DHX15: variants seen among roughly 807,000 people sequenced by gnomAD.
The protein encoded by DHX15 is ATP-dependent RNA helicase DHX15.
DHX15 carries 11 observed loss-of-function variants against 94.4 expected under a neutral mutation model. The ratio of observed to expected loss-of-function variants is 0.12; its 90% CI spans 0.07 to 0.19. DHX15 has a LOEUF of 0.19. Ranked by LOEUF, DHX15 falls within the 10% of genes least tolerant of loss-of-function variation. The pLI is 1.00. For missense variants in DHX15, 304 were observed against 988.5 expected (o/e 0.31, Z 9.29); for synonymous variants, 338 against 329.9 (o/e 1.02, Z -0.27).
intron 2 of DHX15, among the ~76,000 whole-genome samples, chr4:24,575,124 G>A (rs983827851): frequency 6.6e-6 from 1 of 151,162 alleles, no homozygotes; most frequent in African/African-American, 2.4e-5. Flanking sequence ...TCCAGCATGG[G>A]TGAAAGACTG....
chr4:24,559,665 C>T (rs1184555815), intron 3 of DHX15, among the ~76,000 whole-genome samples: 1 of 152,122 alleles, frequency 6.6e-6, no homozygotes, highest in African/African-American at 2.4e-5. Flanking sequence ...ACAGGATAGC[C>T]AAACTCCACA....
At position 24,541,853 on chromosome 4, in the gene DHX15, G is replaced by C. The variant is rs1721320345; in HGVS notation, c.1485+20C>G. ...CCTAACATTTTAAACATATCGGCAG[G>C]AAACGACAATACCCCATACCTGCAT... On this transcript the variant is annotated intron_variant, in intron 8 of 13. Transcript: ENST00000336812. The C allele has an allele frequency of 6.5e-7, 1 of 1,534,638 alleles. No homozygotes were observed. The highest frequency in any genetic ancestry group is 1.2e-5 in the South Asian group (1 of 81,976).
intron 3 of DHX15, among the ~76,000 whole-genome samples, chr4:24,558,937 A>C (rs760216123): frequency 5.3e-5 from 8 of 152,138 alleles, no homozygotes; most frequent in Non-Finnish European, 1.2e-4. Flanking sequence ...CAGATAAAGG[A>C]ACCCATTGTA....
intron 3 of DHX15, among the ~76,000 whole-genome samples, chr4:24,559,800 CTACT>C (rs1721823349): frequency 6.6e-6 from 1 of 152,166 alleles, no homozygotes; most frequent in Admixed American, 6.5e-5. Context: ...CATCTCAGAT[CTACT>C]TAATCAGAAA....
At chr4:24,552,337 T>C (rs1577340610) in intron 5 of DHX15, among the ~76,000 whole-genome samples, 1 of 152,136 alleles carries the variant, frequency 6.6e-6, no homozygotes, top group East Asian at 1.9e-4. Context: ...ACTCACTGCA[T>C]GTTGAAAAAA....
chr4:24,582,920 A>T (rs1407309097), intron 1 of DHX15, among the ~76,000 whole-genome samples: 2 of 152,230 alleles, frequency 1.3e-5, no homozygotes, highest in Non-Finnish European at 2.9e-5. Context: ...CTAATATCGT[A>T]AACTAAATAA....
intron 1 of DHX15, among the ~76,000 whole-genome samples, chr4:24,582,148 G>A (rs1722430323): frequency 6.6e-6 from 1 of 152,088 alleles, no homozygotes. Flanking sequence ...TTCTGAGGCC[G>A]ATAAACACCT....
intron 6 of DHX15, among the ~76,000 whole-genome samples, chr4:24,548,140 CTTT>C (rs71196189): frequency 9.2e-6 from 1 of 108,172 alleles, no homozygotes. Context: ...ATCAGTGCTA[CTTT>C]TTTTTTTTTT....
intron 11 of DHX15, chr4:24,533,804 T>C (rs1441053189): frequency 2.0e-5 from 3 of 152,180 alleles, no homozygotes; most frequent in Admixed American, 6.5e-5. Context: ...TGGCAAAGAA[T>C]TGCATTATTT....
intron 10 of DHX15, 85 bp downstream of exon 10, chr4:24,540,022 AC>A: frequency 1.0e-6 from 1 of 978,288 alleles, no homozygotes; most frequent in Non-Finnish European, 1.5e-6. Flanking sequence ...CCACTATCAT[AC>A]TAAAAATTAA....
intron 4 of DHX15, among the ~76,000 whole-genome samples, 163 bp from the exon 5 acceptor site, chr4:24,555,106 T>C (rs929444827): frequency 2.6e-5 from 4 of 152,106 alleles, no homozygotes; most frequent in South Asian, 2.1e-4. Context: ...GGCTGAACTA[T>C]AGTAAAAGTT....
In DHX15 at chr4:24,539,892, T is replaced by C. The variant is rs1274994425; in HGVS notation, c.1786+216A>G. 3 of 359,252 alleles carry C rather than the reference T, an allele frequency of 8.4e-6. No individual in the cohort carries two copies. The East Asian group carries it at 1.3e-4, about 15-fold the overall frequency. 22.3% of individuals were successfully genotyped at this position (359,252 alleles called of 1,614,324 possible). Reference sequence around the variant, plus strand: ...TTTTATTAGCACTCAAGAGAGCCAATGCTTTACTTATCTTTTGTGCACAAT... The same window carrying C: ...TTTTATTAGCACTCAAGAGAGCCAACGCTTTACTTATCTTTTGTGCACAAT... On this transcript the variant is annotated intron_variant, in intron 10 of 13. Coordinates refer to ENST00000336812, the MANE Select transcript of DHX15 (RefSeq NM_001358.3).
intron 6 of DHX15, among the ~76,000 whole-genome samples, chr4:24,548,236 G>C (rs1259931169): frequency 6.7e-6 from 1 of 149,390 alleles, no homozygotes; most frequent in Non-Finnish European, 1.5e-5. Flanking sequence ...TCCGCCTCTA[G>C]GGTTCAAGCG....
intron 3 of DHX15, among the ~76,000 whole-genome samples, chr4:24,558,735 A>G (rs1283119974): frequency 6.6e-6 from 1 of 152,168 alleles, no homozygotes; most frequent in Non-Finnish European, 1.5e-5. Context: ...GAATAATTTC[A>G]AGAAAAATGA....
rs191186126 is a variant in DHX15 at position 24,532,793 on chromosome 4, T to A, written c.2100+71A>T. The A allele has an allele frequency of 1.1e-3, 1,401 of 1,219,468 alleles. 39 individuals are homozygous for A. In the East Asian group the frequency reaches 0.023, roughly 20 times the overall value. 75.5% of individuals were successfully genotyped at this position (1,219,468 alleles called of 1,614,324 possible). A position where few individuals can be genotyped will look rare whatever the true frequency, so the allele number is the denominator to read the frequency against. The stretch of plus-strand genomic sequence containing the variant: ...AAACTCACTTTTGCTTTTGAGTGGA[T>A]TCAAAGGACTGTTAATAGAAATCAG... On this transcript the variant is annotated intron_variant, in intron 12 of 13. Coordinates refer to ENST00000336812, the MANE Select transcript of DHX15 (RefSeq NM_001358.3).
intron 12 of DHX15, among the ~76,000 whole-genome samples, 190 bp downstream of exon 12, chr4:24,532,674 T>C (rs1443238011): frequency 6.6e-6 from 1 of 152,230 alleles, no homozygotes; most frequent in Admixed American, 6.5e-5. Flanking sequence ...CATTAATTTG[T>C]TACTCATTAA....
At chr4:24,535,319 A>G (rs1721170690) in intron 11 of DHX15, among the ~76,000 whole-genome samples, 1 of 152,192 alleles carries the variant, frequency 6.6e-6, no homozygotes, top group Non-Finnish European at 1.5e-5. Flanking sequence ...ACATCTAGTG[A>G]GTGGATAACA....
chr4:24,566,597 G>A (rs1012054012), intron 3 of DHX15, among the ~76,000 whole-genome samples: 3 of 152,064 alleles, frequency 2.0e-5, no homozygotes, highest in African/African-American at 7.2e-5. Context: ...AGGCTGAGGT[G>A]GGTGGATCAC....
rs774628774 is a variant in DHX15, at chr4:24,576,594, C to T, written c.156G>A (p.Glu52=). 1 of 1,614,142 alleles carries T rather than the reference C, an allele frequency of 6.2e-7. No individual in the cohort carries two copies. The highest frequency in any genetic ancestry group is 1.1e-5 in the South Asian group (1 of 91,078). ...RERDRGDRER[E]REKEKEKELR... ...ACTCCTTCTCCTTTTCTTTCTCCCT[C>T]TCTCGCTCTCTATCTCCTCTATCAC... The change falls in exon 2 of 14, where the codon GAG becomes GAA. Residue 52 remains glutamate, a synonymous_variant. Coordinates refer to ENST00000336812, the MANE Select transcript of DHX15 (RefSeq NM_001358.3).
Sources: gnomAD v4.1 joint callset for allele counts (sites outside exome capture counted in the v4.1 genomes callset) on GRCh38, gnomAD v4.1.1 for gene constraint, MANE v1.5 for transcripts, NCBI Gene and HGNC (gene_info 2026-07-23, HGNC 2026-07-21) for gene names.